Variants in WIPF3 observed in about 807,000 individuals in gnomAD.
WIPF3 encodes the protein WAS/WASL interacting protein family member 3, also known as WAS/WASL-interacting protein family member 3.
WIPF3 carries 33 observed loss-of-function variants against 38.9 expected under a neutral mutation model. The ratio of observed to expected loss-of-function variants is 0.85; its 90% CI spans 0.64 to 1.14. The LOEUF (loss-of-function observed/expected upper bound fraction) is 1.14, where lower values mean the gene tolerates loss of function less well. WIPF3 is among the 50% of genes most tolerant of loss of function. The probability of loss-of-function intolerance (pLI) is 0.00; values close to 1 mark genes in which losing one functional copy is unlikely to be tolerated. For missense variants in WIPF3, 711 were observed against 652.5 expected (o/e 1.09, Z -0.98); for synonymous variants, 324 against 269.3 (o/e 1.20, Z -1.99).
intron 2 of WIPF3, among the ~76,000 whole-genome samples, chr7:29,862,062 TG>T (rs1183817378): frequency 1.3e-5 from 2 of 152,188 alleles, no homozygotes; most frequent in Admixed American, 1.3e-4. Context: ...CGGGAAGCCC[TG>T]GTGTGGTTGC....
chr7:29,884,075 C>T lies in WIPF3; in HGVS notation c.581C>T (p.Ser194Phe), dbSNP rs1234646284. 2.7e-6 allele frequency: 4 copies of T among 1,456,720 alleles called. No individual in the cohort carries two copies. Among genetic ancestry groups the T allele is most frequent in the South Asian group, 2.7e-5 (2 of 74,522 alleles). 90.2% of individuals were successfully genotyped at this position (1,456,720 alleles called of 1,614,324 possible). A position where few individuals can be genotyped will look rare whatever the true frequency, so the allele number is the denominator to read the frequency against. The stretch of plus-strand genomic sequence containing the variant: ...TTACCCCCGCCCCTTCCCTCTTCCT[C>T]CCCCATCAAAACTCCGCTTGTGTCC... ...PPLPPPLPSSSPIKTPLVSPP... is the reference protein window; with the variant it reads ...PPLPPPLPSSFPIKTPLVSPP... The change falls in exon 5 of 9, where the codon TCC (serine) becomes TTC (phenylalanine). Residue 194 changes from serine (S) to phenylalanine (F), a missense_variant. Ser to Phe is a radical substitution (Grantham distance 155). Transcript: ENST00000242140.
rs546692211 is a variant in WIPF3 at position 29,872,035 on chromosome 7, A to AGTAAT, written c.91-3792_91-3788dup. ...GAGACAAAACAAGAGTGAACTTGGA[A>AGTAAT]GTAATGTTTTGTTGGCTTCTTTTTT... On this transcript the variant is annotated intron_variant, in intron 2 of 8. Coordinates refer to ENST00000242140, the MANE Select transcript of WIPF3 (RefSeq NM_001080529.3). Among the ~76,000 whole-genome samples the AGTAAT allele has an allele frequency of 5.3e-4, 80 of 152,352 alleles. No homozygotes were observed. In the South Asian group the frequency reaches 1.0e-2, roughly 19 times the overall value.
Position 29,884,131 on chromosome 7 carries a change from C to A in WIPF3, c.637C>A (p.Pro213Thr). Residue 213 changes from proline (P) to threonine (T), a missense_variant, in exon 5 of 9, where the codon CCG becomes ACG. Transcript: ENST00000242140. ...PPGPLTKGNLPVVAPPVPCAP... is the reference protein window; with the variant it reads ...PPGPLTKGNLTVVAPPVPCAP... ...CGGCCCACTGACCAAAGGGAACCTC[C>A]CGGTGGTTGCACCCCCCGTCCCCTG... 1 of 1,533,772 alleles carries A rather than the reference C, an allele frequency of 6.5e-7. No homozygotes were observed. Among genetic ancestry groups the A allele is most frequent in the Non-Finnish European group, 8.8e-7 (1 of 1,138,140 alleles).
At chr7:29,869,152 C>T (rs1785447934) in intron 2 of WIPF3, among the ~76,000 whole-genome samples, 1 of 147,890 alleles carries the variant, frequency 6.8e-6, no homozygotes, top group South Asian at 2.2e-4. Context: ...GCCTCAGCCT[C>T]CCAAGTAGCT....
intron 2 of WIPF3, among the ~76,000 whole-genome samples, chr7:29,838,727 C>T (rs2128066224): frequency 6.6e-6 from 1 of 152,168 alleles, no homozygotes; most frequent in African/African-American, 2.4e-5. Flanking sequence ...GGTAGATATC[C>T]AAGAGAAGTA....
chr7:29,865,778 A>T (rs545079030), intron 2 of WIPF3, among the ~76,000 whole-genome samples: 1 of 152,270 alleles, frequency 6.6e-6, no homozygotes, highest in South Asian at 2.1e-4. Flanking sequence ...GCTGTGAGTC[A>T]TTGTTTCTCT....
intron 7 of WIPF3, among the ~76,000 whole-genome samples, chr7:29,899,852 AAGG>A (rs1245841214): frequency 1.6e-4 from 25 of 152,266 alleles, no homozygotes; most frequent in African/African-American, 4.3e-4. Flanking sequence ...ATCTGCAGAA[AAGG>A]AGAAGTTGAT....
intron 2 of WIPF3, among the ~76,000 whole-genome samples, chr7:29,864,223 T>TA (rs1273809982): frequency 6.6e-6 from 1 of 152,244 alleles, no homozygotes; most frequent in African/African-American, 2.4e-5. Flanking sequence ...TGAGAGTTTT[T>TA]ATCATGAATG....
At chr7:29,862,143 G>C (rs1363060370) in intron 2 of WIPF3, among the ~76,000 whole-genome samples, 1 of 152,038 alleles carries the variant, frequency 6.6e-6, no homozygotes. Flanking sequence ...ATAATTCATG[G>C]GGCATTTTCT....
chr7:29,826,703 G>A (rs1308330537), intron 1 of WIPF3, among the ~76,000 whole-genome samples: 1 of 151,986 alleles, frequency 6.6e-6, no homozygotes, highest in Non-Finnish European at 1.5e-5. Context: ...TGATAATAAA[G>A]TTTATTTTCC....
At chr7:29,895,384 T>G (rs1562789143) in intron 7 of WIPF3, among the ~76,000 whole-genome samples, 1 of 149,772 alleles carries the variant, frequency 6.7e-6, no homozygotes. Flanking sequence ...TACACAAATA[T>G]TCATAGCAGC....
chr7:29,877,548 A>C (rs537448473), intron 3 of WIPF3, among the ~76,000 whole-genome samples: 1 of 152,306 alleles, frequency 6.6e-6, no homozygotes, highest in East Asian at 1.9e-4. Flanking sequence ...TTAACTGCTA[A>C]GTACTTATGT....
At chr7:29,819,832 T>G (rs1052368620) in intron 1 of WIPF3, among the ~76,000 whole-genome samples, 2 of 152,068 alleles carry the variant, frequency 1.3e-5, no homozygotes, top group African/African-American at 4.8e-5. Flanking sequence ...TTCTTTGTAT[T>G]TTTGTCATTT....
intron 1 of WIPF3, among the ~76,000 whole-genome samples, chr7:29,821,265 TCA>T (rs1166202138): frequency 2.6e-5 from 4 of 152,166 alleles, no homozygotes; most frequent in Admixed American, 2.0e-4. Flanking sequence ...CCTTTGGATA[TCA>T]CAGACCTTTT....
chr7:29,908,511 C>G (rs1027388366), intron 8 of WIPF3, among the ~76,000 whole-genome samples: 1 of 152,204 alleles, frequency 6.6e-6, no homozygotes, highest in African/African-American at 2.4e-5. Flanking sequence ...ACAGTACAGT[C>G]TACCCAACAA....
chr7:29,867,800 A>G (rs1406540687), intron 2 of WIPF3, among the ~76,000 whole-genome samples: 1 of 152,172 alleles, frequency 6.6e-6, no homozygotes, highest in Non-Finnish European at 1.5e-5. Context: ...TGTGACCTCA[A>G]AAAACAGCCA....
Position 29,884,321 on chromosome 7 carries a change from A to C in WIPF3, c.827A>C (p.Lys276Thr). The C allele has an allele frequency of 1.4e-6, 2 of 1,411,488 alleles. No individual in the cohort carries two copies. Among genetic ancestry groups the C allele is most frequent in the Admixed American group, 2.3e-5 (1 of 43,086 alleles). 87.4% of individuals were successfully genotyped at this position (1,411,488 alleles called of 1,614,324 possible). ...LLPPCGYPGL[K>T]AEPASPAQDA... Reference sequence around the variant, plus strand: ...CCACCTTGTGGGTATCCGGGGCTCAAAGCGGAGCCCGCCAGCCCTGCGCAA... The same window carrying C: ...CCACCTTGTGGGTATCCGGGGCTCACAGCGGAGCCCGCCAGCCCTGCGCAA... The change falls in exon 5 of 9, where the codon AAA becomes ACA. Residue 276 changes from lysine to threonine, a missense_variant. Lys to Thr is a moderately conservative substitution (Grantham distance 78). Coordinates refer to ENST00000242140, the MANE Select transcript of WIPF3 (RefSeq NM_001080529.3).
At chr7:29,827,049 A>G (rs972628309) in intron 1 of WIPF3, among the ~76,000 whole-genome samples, 1 of 152,170 alleles carries the variant, frequency 6.6e-6, no homozygotes, top group African/African-American at 2.4e-5. Context: ...ACACTCTAAG[A>G]ACAGTGTCTG....
At chr7:29,847,906 C>T (rs1415428181) in intron 2 of WIPF3, among the ~76,000 whole-genome samples, 3 of 152,050 alleles carry the variant, frequency 2.0e-5, no homozygotes, top group Admixed American at 6.6e-5. Flanking sequence ...TGGGACTGAG[C>T]GACAAGAGGT....
Sources: gnomAD v4.1 joint callset for allele counts (sites outside exome capture counted in the v4.1 genomes callset) on GRCh38, gnomAD v4.1.1 for gene constraint, MANE v1.5 for transcripts, NCBI Gene and HGNC (gene_info 2026-07-23, HGNC 2026-07-21) for gene names.